The following OSBPL5 variants were observed in gnomAD, a reference collection of about 807,000 sequenced individuals.
OSBPL5 encodes oxysterol binding protein like 5, also known as oxysterol-binding protein-related protein 5.
A neutral mutation model predicts 111.2 loss-of-function variants in OSBPL5; 71 were observed. The ratio of observed to expected loss-of-function variants is 0.64; its 90% CI spans 0.53 to 0.78. The LOEUF is 0.78. Ranked by LOEUF, OSBPL5 falls within the 30% of genes least tolerant of loss-of-function variation. The probability of loss-of-function intolerance (pLI) is 0.00; values close to 1 mark genes in which losing one functional copy is unlikely to be tolerated. For synonymous variants in OSBPL5, 549 were observed against 513.9 expected (o/e 1.07, Z -0.93); for missense variants, 1,210 against 1,189.3 (o/e 1.02, Z -0.26).
At chr11:3,102,152 C>T (rs752882361) in intron 12 of OSBPL5, 31 bp downstream of exon 12, 2 of 1,562,480 alleles carry the variant, frequency 1.3e-6, no homozygotes, top group South Asian at 2.4e-5. Flanking sequence ...GAGCCCAGCA[C>T]CCAGGCCGGT....
chr11:3,146,299 C>G lies in OSBPL5; in HGVS notation c.-21-17130G>C, dbSNP rs560871141. ...TCTTTCCTGCGGGAAACCCCCAGGG[C>G]GTGTGGGACTCTTTGAGGAGACAGA... On this transcript the variant is annotated intron_variant, in intron 1 of 21. Coordinates refer to ENST00000263650, the MANE Select transcript of OSBPL5 (RefSeq NM_020896.4). This position sits in a 1 kb window ranked among gnomAD's most constrained non-coding sequence, Gnocchi z 7.8. 6.6e-6 allele frequency: 1 copy of G among 152,084 alleles called. No individual in the cohort carries two copies. Among genetic ancestry groups the G allele is most frequent in the Non-Finnish European group, 1.5e-5 (1 of 68,054 alleles). The allele number at this position is 152,084 out of a possible 1,614,324, so 9.4% of individuals were successfully genotyped here.
intron 3 of OSBPL5, among the ~76,000 whole-genome samples, chr11:3,124,687 C>T (rs1351066866): frequency 2.0e-5 from 3 of 152,184 alleles, no homozygotes; most frequent in Non-Finnish European, 4.4e-5. Flanking sequence ...AATACAACCA[C>T]GCAGCCGTTT....
intron 1 of OSBPL5, among the ~76,000 whole-genome samples, chr11:3,163,516 G>A (rs1049856997): frequency 4.0e-5 from 6 of 148,842 alleles, no homozygotes; most frequent in Non-Finnish European, 7.5e-5. Flanking sequence ...TACAATCCTG[G>A]GTAGGGGTTG....
chr11:3,101,698 A>T lies in OSBPL5; in HGVS notation c.1427T>A (p.Val476Glu). 6.2e-7 allele frequency: 1 copy of T among 1,613,082 alleles called. No individual in the cohort carries two copies. Residue 476 changes from valine to glutamate, a missense_variant and splice_region_variant, in exon 13 of 22, where the codon GTG (valine) becomes GAG (glutamate). Transcript: ENST00000263650. The stretch of plus-strand genomic sequence containing the variant: ...GGCAGACACGGGCGGGTGGTGGGAC[A>T]CCTGCGTGCAGGGAGGCGGCTCTGT... The part of the protein sequence containing the change: ...DSRTFYIAEQ[V>E]SHHPPVSAFH...
rs1412391653 is a variant in OSBPL5 at position 3,165,014 on chromosome 11, C to T, written c.-22+202G>A. Reference sequence around the variant, plus strand: ...GCTCCCGCGCTCCCCAGCTCCCCAGCGCGCGACCGGCCCCGCGGCGTGGTT... The same window carrying T: ...GCTCCCGCGCTCCCCAGCTCCCCAGTGCGCGACCGGCCCCGCGGCGTGGTT... On this transcript the variant is annotated intron_variant, in intron 1 of 21. Transcript: ENST00000263650. This position sits in a 1 kb window ranked among gnomAD's most constrained non-coding sequence, Gnocchi z 7.4. 9.9e-5 allele frequency among the ~76,000 whole-genome samples: 15 copies of T among 150,976 alleles called. No individual in the cohort carries two copies. The highest frequency in any genetic ancestry group is 2.2e-4 in the Non-Finnish European group (15 of 67,608).
At position 3,122,213 on chromosome 11, in the gene OSBPL5, G is replaced by A. The variant is rs1858443453; in HGVS notation, c.301-115C>T. ...GGCAGGGGCAGGAGAGGAAGTAGGA[G>A]GAAGTAGGGGGTGTGGAGGCGACCA... On this transcript the variant is annotated intron_variant, in intron 4 of 21. Coordinates refer to ENST00000263650, the MANE Select transcript of OSBPL5 (RefSeq NM_020896.4). The A allele has an allele frequency of 2.0e-5, 27 of 1,321,788 alleles. 1 individual carries two copies. The East Asian group carries it at 6.5e-4, about 32-fold the overall frequency. 81.9% of individuals were successfully genotyped at this position (1,321,788 alleles called of 1,614,324 possible).
At chr11:3,095,840 C>T (rs1255675533) in intron 14 of OSBPL5, among the ~76,000 whole-genome samples, 1 of 152,184 alleles carries the variant, frequency 6.6e-6, no homozygotes, top group Non-Finnish European at 1.5e-5. Flanking sequence ...TCTAGCAATG[C>T]CTTTTACATG....
At chr11:3,116,248 G>C (rs12787666) in intron 7 of OSBPL5, among the ~76,000 whole-genome samples, 1 of 152,264 alleles carries the variant, frequency 6.6e-6, no homozygotes, top group African/African-American at 2.4e-5. Context: ...TATCAGTAAT[G>C]ATTATAATTG....
intron 21 of OSBPL5, 55 bp from the exon 22 acceptor site, chr11:3,088,398 T>G (rs1031009105): frequency 8.2e-6 from 12 of 1,457,208 alleles, no homozygotes; most frequent in Non-Finnish European, 1.1e-5. Flanking sequence ...CAAGTCCCCC[T>G]CCCACAAGCC....
In OSBPL5 at chr11:3,103,710, C is replaced by T. The variant is rs868560244; in HGVS notation, c.1245-390G>A. 8.9e-5 allele frequency among the ~76,000 whole-genome samples: 12 copies of T among 135,398 alleles called. 2 individuals carry two copies. The highest frequency in any genetic ancestry group is 1.2e-4 in the Non-Finnish European group (8 of 64,612). The allele number at this position is 135,398 out of a possible 152,430, so 88.8% of individuals were successfully genotyped here. On this transcript the variant is annotated intron_variant, in intron 10 of 21. Transcript: ENST00000263650. ...CAGCCCCCTTCCAGCCTGCGTACCC[C>T]CTTCCAGGCTCTGCTGCCCCTTCCT...
chr11:3,110,231 C>A lies in OSBPL5; in HGVS notation c.692-2286G>T, dbSNP rs978966951. Among the ~76,000 whole-genome samples, 1 of 152,218 alleles carries A rather than the reference C, an allele frequency of 6.6e-6. No individual in the cohort carries two copies. Among genetic ancestry groups the A allele is most frequent in the African/African-American group, 2.4e-5 (1 of 41,454 alleles). The stretch of plus-strand genomic sequence containing the variant: ...CCACCGGCGGGATGGGAGCCCTTCA[C>A]CCCACTGCTCTGGGAGGCATCACCC... On this transcript the variant is annotated intron_variant, in intron 7 of 21. Transcript: ENST00000263650. This position sits in a 1 kb window ranked among gnomAD's most constrained non-coding sequence, Gnocchi z 5.3.
At chr11:3,103,988 C>T (rs1262960335) in intron 10 of OSBPL5, among the ~76,000 whole-genome samples, 1 of 152,006 alleles carries the variant, frequency 6.6e-6, no homozygotes, top group African/African-American at 2.4e-5. Context: ...GACTGACCCC[C>T]CTCTCACCAC....
rs1022044089 is a variant in OSBPL5 at position 3,162,936 on chromosome 11, C to T, written c.-22+2280G>A. Among the ~76,000 whole-genome samples, 1 of 152,086 alleles carries T rather than the reference C, an allele frequency of 6.6e-6. No homozygotes were observed. Among genetic ancestry groups the T allele is most frequent in the African/African-American group, 2.4e-5 (1 of 41,410 alleles). On this transcript the variant is annotated intron_variant, in intron 1 of 21. Coordinates refer to ENST00000263650, the MANE Select transcript of OSBPL5 (RefSeq NM_020896.4). This position sits in a 1 kb window ranked among gnomAD's most constrained non-coding sequence, Gnocchi z 8.1. ...GCACACTGGTGCACTCCCTGGGCTC[C>T]CCTGCCAACCCTGCAAGTGGTGGGC...
chr11:3,107,823 G>C lies in OSBPL5; in HGVS notation c.814C>G (p.Leu272Val). 1 of 1,612,512 alleles carries C rather than the reference G, an allele frequency of 6.2e-7. No individual in the cohort carries two copies. The highest frequency in any genetic ancestry group is 8.5e-7 in the Non-Finnish European group (1 of 1,179,980). The change falls in exon 8 of 22, where the codon CTC (leucine) becomes GTC (valine). Residue 272 changes from leucine to valine, a missense_variant. Leu to Val is a conservative substitution (Grantham distance 32). Transcript: ENST00000263650. This position sits in a 1 kb window ranked among gnomAD's most constrained non-coding sequence, Gnocchi z 6.1. ...GTGGCTGAGGCTGGCAGCCCACAGAGCGATGAGGGTGATGCGTCTGGCGAG... is the reference window on the plus strand; with the variant it reads ...GTGGCTGAGGCTGGCAGCCCACAGACCGATGAGGGTGATGCGTCTGGCGAG... ...GTSPDASPSS[L>V]CGLPASATVH...
intron 7 of OSBPL5, among the ~76,000 whole-genome samples, chr11:3,116,458 T>C (rs1249885475): frequency 1.3e-5 from 2 of 152,176 alleles, no homozygotes; most frequent in Non-Finnish European, 2.9e-5. Flanking sequence ...TTAGAGACTG[T>C]GACATCAGAA....
At chr11:3,102,061 G>A in intron 12 of OSBPL5, 122 bp downstream of exon 12, 1 of 968,656 alleles carries the variant, frequency 1.0e-6, no homozygotes, top group Non-Finnish European at 1.5e-6. Context: ...AGGATGTGGG[G>A]TCCCCTGGAA....
chr11:3,153,795 C>T (rs1590732427), intron 1 of OSBPL5, among the ~76,000 whole-genome samples: 1 of 152,378 alleles, frequency 6.6e-6, no homozygotes, highest in Admixed American at 6.5e-5. Context: ...GAGTGGCCCA[C>T]CAGGCCCGGC....
Position 3,142,506 on chromosome 11 carries a change from G to A in OSBPL5, c.-21-13337C>T, listed in dbSNP as rs1023418313. Among the ~76,000 whole-genome samples, 3 of 152,316 alleles carry A rather than the reference G, an allele frequency of 2.0e-5. No homozygotes were observed. Among genetic ancestry groups the A allele is most frequent in the East Asian group, 3.9e-4 (2 of 5,184 alleles). On this transcript the variant is annotated intron_variant, in intron 1 of 21. Transcript: ENST00000263650. The surrounding 1 kb of genome is among the most constrained non-coding windows in gnomAD (Gnocchi z 7.1). The stretch of plus-strand genomic sequence containing the variant: ...TGTCCCAGGAGGTCAGATTTCACCC[G>A]GATGCTTAGCTCCCCTCCCTTTTTA...
At position 3,162,941 on chromosome 11, in the gene OSBPL5, C is replaced by T. The variant is rs1847009464; in HGVS notation, c.-22+2275G>A. Among the ~76,000 whole-genome samples the T allele has an allele frequency of 1.3e-5, 2 of 152,074 alleles. No homozygotes were observed. The highest frequency in any genetic ancestry group is 2.4e-5 in the African/African-American group (1 of 41,400). The stretch of plus-strand genomic sequence containing the variant: ...CTGGTGCACTCCCTGGGCTCCCCTG[C>T]CAACCCTGCAAGTGGTGGGCACTTC... On this transcript the variant is annotated intron_variant, in intron 1 of 21. Transcript: ENST00000263650. The surrounding 1 kb of genome is among the most constrained non-coding windows in gnomAD (Gnocchi z 8.1).
Sources: allele counts gnomAD v4.1 joint callset (sites outside exome capture counted in the v4.1 genomes callset), GRCh38; gene constraint gnomAD v4.1.1; non-coding constraint Gnocchi (gnomAD v3.1); transcripts MANE v1.5; gene names NCBI Gene and HGNC (gene_info 2026-07-23, HGNC 2026-07-21).